The following VOPP1 variants were observed in gnomAD, a reference collection of about 807,000 sequenced individuals.
The protein encoded by VOPP1 is WW domain binding protein VOPP1.
VOPP1 carries 8 observed loss-of-function variants against 23.5 expected under a neutral mutation model. The observed-to-expected ratio is 0.34, with a 90% CI of 0.20 to 0.61. The LOEUF (loss-of-function observed/expected upper bound fraction) is 0.61, where lower values mean the gene tolerates loss of function less well. Ranked by LOEUF, VOPP1 falls within the 20% of genes least tolerant of loss-of-function variation. VOPP1 has a pLI of 0.78. For missense variants in VOPP1, 174 were observed against 238.1 expected, an observed-to-expected ratio of 0.73 and a Z score of 1.77; for synonymous variants, 83 against 97.3, an observed-to-expected ratio of 0.85 and a Z score of 0.86.
intron 4 of VOPP1, among the ~76,000 whole-genome samples, chr7:55,448,916 T>C (rs1320786101): frequency 6.8e-6 from 1 of 147,182 alleles, no homozygotes; most frequent in East Asian, 1.9e-4. Context: ...GGGGGTTAAA[T>C]AAACTGGAAC....
chr7:55,441,683 C>T lies in VOPP1; in HGVS notation n.418-5509G>A, dbSNP rs570274114. On this transcript the variant is annotated intron_variant and non_coding_transcript_variant, in intron 4 of 4. Coordinates refer to the VOPP1 transcript ENST00000462326. ...ATCATGGAACTGCTTGCTTCTGTAG[C>T]TGCGCCCCATCAGAGAGCAGTAGCG... Among the ~76,000 whole-genome samples the T allele has an allele frequency of 4.5e-4, 68 of 152,372 alleles. 2 individuals carry two copies. The highest frequency in any genetic ancestry group is 5.9e-5 in the Non-Finnish European group (4 of 68,044).
chr7:55,463,237 T>C (rs1250554808), intron 4 of VOPP1, among the ~76,000 whole-genome samples: 1 of 152,256 alleles, frequency 6.6e-6, no homozygotes, highest in African/African-American at 2.4e-5. Flanking sequence ...ACTTGTTTAA[T>C]AACATTATTT....
intron 1 of VOPP1, among the ~76,000 whole-genome samples, chr7:55,564,171 A>C (rs1292268806): frequency 6.6e-6 from 1 of 151,738 alleles, no homozygotes; most frequent in Non-Finnish European, 1.5e-5. Context: ...AACTAAAGGG[A>C]AGGAGGGGGA....
chr7:55,551,400 C>T (rs1797600616), intron 1 of VOPP1, among the ~76,000 whole-genome samples: 1 of 152,200 alleles, frequency 6.6e-6, no homozygotes, highest in Admixed American at 6.5e-5. Context: ...AGGGCTGAAA[C>T]AGCACAAAAT....
intron 4 of VOPP1, among the ~76,000 whole-genome samples, chr7:55,474,813 G>C (rs965915523): frequency 6.6e-6 from 1 of 152,250 alleles, no homozygotes; most frequent in African/African-American, 2.4e-5. Flanking sequence ...CTGAGGCCAG[G>C]AGAGGAGCAT....
At chr7:55,490,963 A>G (rs1455915277) in intron 4 of VOPP1, among the ~76,000 whole-genome samples, 1 of 152,254 alleles carries the variant, frequency 6.6e-6, no homozygotes, top group Non-Finnish European at 1.5e-5. Context: ...TTGCATCTTG[A>G]TAACAGCCTG....
intron 4 of VOPP1, among the ~76,000 whole-genome samples, chr7:55,482,662 C>G (rs1792829523): frequency 6.6e-6 from 1 of 151,872 alleles, no homozygotes; most frequent in Non-Finnish European, 1.5e-5. Context: ...GAGTTAAAAA[C>G]ATGTGGGTAT....
At chr7:55,486,313 G>A (rs965765090) in intron 4 of VOPP1, among the ~76,000 whole-genome samples, 1 of 152,210 alleles carries the variant, frequency 6.6e-6, no homozygotes, top group African/African-American at 2.4e-5. Flanking sequence ...AATTTATAGT[G>A]GCTAAGGACA....
At chr7:55,449,274 C>T (rs1343791476) in intron 4 of VOPP1, among the ~76,000 whole-genome samples, 2 of 152,198 alleles carry the variant, frequency 1.3e-5, no homozygotes, top group Non-Finnish European at 2.9e-5. Flanking sequence ...GGAGGGCCCG[C>T]GCTTCTCCCG....
In VOPP1 at chr7:55,553,756, TACACACACACACACAC is replaced by T. The variant is rs59300549; in HGVS notation, c.54+18499_54+18514del. Reference sequence around the variant, plus strand: ...CTCTGTGCTCCCTTCCCCTGCACTCTACACACACACACACACACACACACACACACACACACACACA... The same window carrying T: ...CTCTGTGCTCCCTTCCCCTGCACTCTACACACACACACACACACACACACA... On this transcript the variant is annotated intron_variant, in intron 1 of 4. Coordinates refer to ENST00000285279, the MANE Select transcript of VOPP1 (RefSeq NM_030796.5). 6.2e-3 allele frequency: 860 copies of T among 138,454 alleles called. 19 individuals carry two copies. Among genetic ancestry groups the T allele is most frequent in the East Asian group, 0.052 (242 of 4,694 alleles). The allele number at this position is 138,454 out of a possible 1,614,324, so 8.6% of individuals were successfully genotyped here.
chr7:55,496,778 C>T (rs979128855), intron 3 of VOPP1, among the ~76,000 whole-genome samples: 1 of 152,196 alleles, frequency 6.6e-6, no homozygotes, highest in Non-Finnish European at 1.5e-5. Flanking sequence ...GGTCTTAAAG[C>T]CTCAAAAGGT....
At chr7:55,509,747 A>AT (rs1270818244) in intron 2 of VOPP1, among the ~76,000 whole-genome samples, 12 of 152,170 alleles carry the variant, frequency 7.9e-5, no homozygotes, top group Admixed American at 2.6e-4. Flanking sequence ...CTCCACATGC[A>AT]TATATGACAT....
At chr7:55,473,547 C>G (rs975671427) in intron 4 of VOPP1, among the ~76,000 whole-genome samples, 1 of 152,166 alleles carries the variant, frequency 6.6e-6, no homozygotes, top group South Asian at 2.1e-4. Context: ...CAGGCTGCAG[C>G]TGATTGACGC....
intron 2 of VOPP1, among the ~76,000 whole-genome samples, chr7:55,519,002 G>C (rs1471339643): frequency 6.6e-6 from 1 of 152,224 alleles, no homozygotes; most frequent in Non-Finnish European, 1.5e-5. Context: ...AGGCAGAACA[G>C]AGAAGACTAG....
chr7:55,566,505 T>G (rs1798168491), intron 1 of VOPP1, among the ~76,000 whole-genome samples: 1 of 152,096 alleles, frequency 6.6e-6, no homozygotes, highest in African/African-American at 2.4e-5. Context: ...GAGGTTGCAG[T>G]GAGCCGAGAT....
intron 2 of VOPP1, among the ~76,000 whole-genome samples, chr7:55,506,466 G>A (rs1794731195): frequency 6.6e-6 from 1 of 152,174 alleles, no homozygotes; most frequent in Non-Finnish European, 1.5e-5. Context: ...CTCTCGAGAA[G>A]CTGGGATTAC....
intron 1 of VOPP1, among the ~76,000 whole-genome samples, chr7:55,533,857 T>C (rs1796628036): frequency 6.6e-6 from 1 of 152,202 alleles, no homozygotes; most frequent in Admixed American, 6.5e-5. Context: ...TCTTTTCTTC[T>C]TACCTTTTCT....
chr7:55,461,583 C>A (rs189241348), intron 4 of VOPP1, among the ~76,000 whole-genome samples: 1,829 of 152,102 alleles, frequency 0.012, 13 homozygotes, highest in Admixed American at 0.021. Flanking sequence ...ATGCCCAGCT[C>A]ATTTTTGTAT....
At chr7:55,558,023 T>C (rs1211775658) in intron 1 of VOPP1, among the ~76,000 whole-genome samples, 1 of 152,138 alleles carries the variant, frequency 6.6e-6, no homozygotes, top group Non-Finnish European at 1.5e-5. Context: ...AAGAAAACCC[T>C]TCAACAGAGG....
Sources: gnomAD v4.1 joint callset for allele counts (sites outside exome capture counted in the v4.1 genomes callset) on GRCh38, gnomAD v4.1.1 for gene constraint, MANE v1.5 for transcripts, NCBI Gene and HGNC (gene_info 2026-07-23, HGNC 2026-07-21) for gene names.